The following AGBL4 variants were observed in gnomAD, a reference collection of about 807,000 sequenced individuals.
AGBL4 encodes cytosolic carboxypeptidase 6.
In AGBL4, 58 loss-of-function variants were observed where a neutral mutation model predicts 66.4. That is an observed-to-expected ratio of 0.87 (90% CI 0.71 to 1.09). The LOEUF (loss-of-function observed/expected upper bound fraction) is 1.09. AGBL4 is among the 50% of genes least tolerant of loss of function. AGBL4 has a pLI of 0.00. For synonymous variants in AGBL4, 234 were observed against 222.9 expected (o/e 1.05, Z -0.44); for missense variants, 579 against 631.0 (o/e 0.92, Z 0.88).
chr1:48,661,973 G>A (rs1646114435), intron 7 of AGBL4, among the ~76,000 whole-genome samples: 1 of 152,198 alleles, frequency 6.6e-6, no homozygotes, highest in South Asian at 2.1e-4. Flanking sequence ...GTCAGCTATA[G>A]TGACTGGAGC....
At chr1:48,801,470 G>A (rs1371785513) in intron 6 of AGBL4, among the ~76,000 whole-genome samples, 1 of 152,220 alleles carries the variant, frequency 6.6e-6, no homozygotes, top group African/African-American at 2.4e-5. Flanking sequence ...AAAGACCCCT[G>A]TGAGATAAAG....
chr1:49,545,230 T>C (rs1170496589), intron 3 of AGBL4, among the ~76,000 whole-genome samples: 1 of 152,204 alleles, frequency 6.6e-6, no homozygotes, highest in Non-Finnish European at 1.5e-5. Flanking sequence ...TTTCATGTTA[T>C]GATGAAGAAA....
chr1:48,637,446 A>G (rs1645685359), intron 8 of AGBL4, among the ~76,000 whole-genome samples: 1 of 152,172 alleles, frequency 6.6e-6, no homozygotes, highest in Admixed American at 6.5e-5. Flanking sequence ...TTGCTCCTCC[A>G]TCATTACAAG....
Position 49,186,181 on chromosome 1 carries a change from C to T in AGBL4, c.377+59589G>A, listed in dbSNP as rs117619413. 7.8e-3 allele frequency among the ~76,000 whole-genome samples: 1,183 copies of T among 152,268 alleles called. 9 individuals are homozygous for T. The highest frequency in any genetic ancestry group is 0.027 in the Middle Eastern group (8 of 292). Reference sequence around the variant, plus strand: ...GCAAATGCTCCCCAACACCCTGCCTCCCCTATGCATACATATTTCTTCATT... The same window carrying T: ...GCAAATGCTCCCCAACACCCTGCCTTCCCTATGCATACATATTTCTTCATT... On this transcript the variant is annotated intron_variant, in intron 4 of 13. Transcript: ENST00000371839.
intron 6 of AGBL4, among the ~76,000 whole-genome samples, chr1:48,671,714 G>A (rs1192878016): frequency 6.6e-6 from 1 of 152,224 alleles, no homozygotes; most frequent in Middle Eastern, 3.2e-3. Flanking sequence ...CCTTACAGAT[G>A]CAGAAAGTGA....
chr1:49,865,094 A>G (rs1272489035), intron 1 of AGBL4, among the ~76,000 whole-genome samples: 4 of 152,094 alleles, frequency 2.6e-5, no homozygotes, highest in Non-Finnish European at 4.4e-5. Flanking sequence ...TTACGGACAA[A>G]ACTCTGATCT....
rs193257411 is a variant in AGBL4, at chr1:49,902,634, C to A, written c.35-51116G>T. 7.9e-5 allele frequency among the ~76,000 whole-genome samples: 12 copies of A among 152,246 alleles called. No homozygotes were observed. In the South Asian group the frequency reaches 1.5e-3, roughly 18 times the overall value. ...TGGTGGCACACGCCTGTAATCCAAGCTACTCAGGAGGTTGAGGCAGGAGAA... is the reference window on the plus strand; with the variant it reads ...TGGTGGCACACGCCTGTAATCCAAGATACTCAGGAGGTTGAGGCAGGAGAA... On this transcript the variant is annotated intron_variant, in intron 1 of 13. Coordinates refer to ENST00000371839, the MANE Select transcript of AGBL4 (RefSeq NM_032785.4).
At chr1:48,654,975 GA>G (rs1645996559) in intron 7 of AGBL4, among the ~76,000 whole-genome samples, 1 of 152,182 alleles carries the variant, frequency 6.6e-6, no homozygotes, top group Admixed American at 6.5e-5. Context: ...TCCAGTAATT[GA>G]CCCCAGCTCC....
intron 1 of AGBL4, chr1:49,994,304 T>C (rs1660186477): frequency 7.3e-6 from 1 of 137,144 alleles, no homozygotes; most frequent in East Asian, 2.0e-4. Flanking sequence ...AACTACACCA[T>C]GGGAAAGTAT....
rs1452713528 is a variant in AGBL4, at chr1:49,857,644, T to G, written c.35-6126A>C. 2.0e-5 allele frequency among the ~76,000 whole-genome samples: 3 copies of G among 152,214 alleles called. No individual in the cohort carries two copies. In the East Asian group the frequency reaches 5.8e-4, roughly 29 times the overall value. On this transcript the variant is annotated intron_variant, in intron 1 of 13. Coordinates refer to ENST00000371839, the MANE Select transcript of AGBL4 (RefSeq NM_032785.4). ...ACTGGGGAAAGGACAGTCTCTTTAA[T>G]AAATGGTGCTGTGAAAACTGAATAT...
chr1:49,354,298 G>T (rs1475725684), intron 3 of AGBL4, among the ~76,000 whole-genome samples: 1 of 152,220 alleles, frequency 6.6e-6, no homozygotes, highest in African/African-American at 2.4e-5. Flanking sequence ...CCACAGTGAT[G>T]AATAATTAGT....
At chr1:49,266,270 A>T (rs1054174389) in intron 3 of AGBL4, 4 of 152,166 alleles carry the variant, frequency 2.6e-5, no homozygotes, top group Admixed American at 2.0e-4. Flanking sequence ...GGAGCAAAAC[A>T]TTCTCATCAA....
chr1:49,119,222 T>C (rs180782143), intron 4 of AGBL4, among the ~76,000 whole-genome samples: 1 of 152,336 alleles, frequency 6.6e-6, no homozygotes, highest in African/African-American at 2.4e-5. Context: ...ATCTTAGTTA[T>C]TTCTTGCCTT....
chr1:49,228,368 T>C (rs1650063490), intron 4 of AGBL4, among the ~76,000 whole-genome samples: 1 of 152,140 alleles, frequency 6.6e-6, no homozygotes, highest in African/African-American at 2.4e-5. Flanking sequence ...CCTTTGAATA[T>C]GATAAGGCTA....
At chr1:48,909,975 C>G (rs1315075850) in intron 5 of AGBL4, among the ~76,000 whole-genome samples, 2 of 152,186 alleles carry the variant, frequency 1.3e-5, no homozygotes, top group Non-Finnish European at 2.9e-5. Flanking sequence ...CAGACTCTCT[C>G]TCAGTATTGT....
At chr1:48,575,054 C>G (rs184262816) in intron 11 of AGBL4, among the ~76,000 whole-genome samples, 4 of 152,236 alleles carry the variant, frequency 2.6e-5, no homozygotes, top group East Asian at 1.9e-4. Context: ...TTTGAATGAG[C>G]CTGAAGGATG....
At chr1:49,314,680 G>T (rs771446233) in intron 3 of AGBL4, among the ~76,000 whole-genome samples, 2 of 152,024 alleles carry the variant, frequency 1.3e-5, no homozygotes, top group Non-Finnish European at 2.9e-5. Flanking sequence ...GAACAGTGCT[G>T]CAATAAACAT....
At chr1:49,992,472 G>T (rs1660031765) in intron 1 of AGBL4, among the ~76,000 whole-genome samples, 1 of 150,800 alleles carries the variant, frequency 6.6e-6, no homozygotes, top group Non-Finnish European at 1.5e-5. Context: ...GTCTCATTTA[G>T]TTCCCTATGT....
At chr1:48,615,151 C>A (rs1645297996) in intron 9 of AGBL4, among the ~76,000 whole-genome samples, 1 of 151,906 alleles carries the variant, frequency 6.6e-6, no homozygotes, top group Non-Finnish European at 1.5e-5. Flanking sequence ...TGTGGGCAGG[C>A]CAGAAGTCCT....
Sources: allele counts gnomAD v4.1 joint callset (sites outside exome capture counted in the v4.1 genomes callset), GRCh38; gene constraint gnomAD v4.1.1; transcripts MANE v1.5; gene names NCBI Gene and HGNC (gene_info 2026-07-23, HGNC 2026-07-21).